The following CYP3A43 variants were observed in gnomAD, a reference collection of about 807,000 sequenced individuals.
CYP3A43 encodes cytochrome P450 3A43.
CYP3A43 carries 45 observed loss-of-function variants against 58.0 expected under a neutral mutation model. That is an observed-to-expected ratio of 0.78 (90% CI 0.61 to 0.99). CYP3A43 has a LOEUF of 0.99. Ranked by LOEUF, CYP3A43 falls within the 50% of genes least tolerant of loss-of-function variation. CYP3A43 has a pLI of 0.00. For synonymous variants in CYP3A43, 191 were observed against 201.4 expected (o/e 0.95, Z 0.44); for missense variants, 593 against 591.9 (o/e 1.00, Z -0.02).
chr7:99,829,104 T>C (rs1183258707), intron 1 of CYP3A43, among the ~76,000 whole-genome samples: 2 of 152,226 alleles, frequency 1.3e-5, no homozygotes, highest in African/African-American at 4.8e-5. Context: ...GTCCTTATTT[T>C]AGTCTCATAT....
chr7:99,856,361 G>A (rs17161967), intron 8 of CYP3A43, among the ~76,000 whole-genome samples: 9,713 of 152,234 alleles, frequency 0.064, 976 homozygotes, highest in African/African-American at 0.21. Context: ...GACACTGAAC[G>A]TTGTATAGAG....
At chr7:99,832,447 A>T (rs1344274138) in intron 1 of CYP3A43, among the ~76,000 whole-genome samples, 1 of 147,614 alleles carries the variant, frequency 6.8e-6, no homozygotes, top group East Asian at 2.0e-4. Flanking sequence ...TGGCACCTCG[A>T]CCAAACACCG....
chr7:99,853,469 T>C (rs1279101070), intron 7 of CYP3A43, among the ~76,000 whole-genome samples: 1 of 150,410 alleles, frequency 6.6e-6, no homozygotes, highest in Non-Finnish European at 1.5e-5. Flanking sequence ...CTTTTATTTC[T>C]GAGACTAGTA....
intron 1 of CYP3A43, among the ~76,000 whole-genome samples, chr7:99,831,593 G>A (rs1229786472): frequency 6.6e-6 from 1 of 152,164 alleles, no homozygotes; most frequent in African/African-American, 2.4e-5. Flanking sequence ...ACACCAGAGT[G>A]GGAAGTTCTG....
chr7:99,836,176 C>G (rs550557080), intron 1 of CYP3A43, among the ~76,000 whole-genome samples: 17 of 152,290 alleles, frequency 1.1e-4, no homozygotes, highest in Admixed American at 1.0e-3. Flanking sequence ...AAAAGTCAGG[C>G]TTGGAAGAAA....
intron 7 of CYP3A43, chr7:99,849,955 ATTTT>A (rs71515286): frequency 7.0e-4 from 253 of 362,566 alleles, no homozygotes; most frequent in East Asian, 2.3e-3. Flanking sequence ...CTTCCTCACC[ATTTT>A]TTTTTTTTTT....
intron 1 of CYP3A43, among the ~76,000 whole-genome samples, chr7:99,829,203 A>G (rs995260634): frequency 4.6e-5 from 7 of 152,334 alleles, no homozygotes; most frequent in African/African-American, 1.4e-4. Flanking sequence ...CCCTGCCTCA[A>G]CAGAGCCCAT....
chr7:99,836,123 T>C (rs1466368586), intron 1 of CYP3A43, among the ~76,000 whole-genome samples: 1 of 152,096 alleles, frequency 6.6e-6, no homozygotes, highest in Non-Finnish European at 1.5e-5. Context: ...AGTATATCTG[T>C]CTTTGGTCAG....
At chr7:99,858,737 G>A (rs1818099312) in intron 9 of CYP3A43, among the ~76,000 whole-genome samples, 2 of 151,250 alleles carry the variant, frequency 1.3e-5, no homozygotes, top group Non-Finnish European at 2.9e-5. Context: ...CTGTCACCCA[G>A]GCTGGAGTGA....
At chr7:99,847,040 C>A (rs1056470244) in intron 4 of CYP3A43, among the ~76,000 whole-genome samples, 4 of 152,052 alleles carry the variant, frequency 2.6e-5, no homozygotes, top group African/African-American at 7.2e-5. Context: ...AATCAAACCA[C>A]CCCTTTGTCA....
intron 3 of CYP3A43, among the ~76,000 whole-genome samples, chr7:99,843,542 T>C (rs1035394964): frequency 3.3e-5 from 5 of 152,150 alleles, no homozygotes; most frequent in African/African-American, 1.2e-4. Flanking sequence ...CTTGGCTCAC[T>C]GCAACCTCCA....
At chr7:99,830,295 A>T (rs1220721670) in intron 1 of CYP3A43, among the ~76,000 whole-genome samples, 1 of 152,154 alleles carries the variant, frequency 6.6e-6, no homozygotes, top group Non-Finnish European at 1.5e-5. Context: ...AGGTGGGTGG[A>T]TCACGTGAGG....
At chr7:99,844,988 G>A (rs1817488100) in intron 4 of CYP3A43, among the ~76,000 whole-genome samples, 1 of 151,022 alleles carries the variant, frequency 6.6e-6, no homozygotes, top group South Asian at 2.1e-4. Context: ...AAAATCGCTT[G>A]AACCCGGGAG....
At chr7:99,838,248 C>T (rs572317827) in intron 2 of CYP3A43, among the ~76,000 whole-genome samples, 1 of 152,334 alleles carries the variant, frequency 6.6e-6, no homozygotes, top group African/African-American at 2.4e-5. Flanking sequence ...TCCACTCTGT[C>T]ATTTGCCCAC....
intron 10 of CYP3A43, among the ~76,000 whole-genome samples, chr7:99,860,882 AT>A (rs34710117): frequency 7.4e-5 from 11 of 148,518 alleles, no homozygotes; most frequent in Admixed American, 1.3e-4. Flanking sequence ...TACTCTCCAC[AT>A]TTTTTTTTTG....
At chr7:99,842,493 T>A (rs1250377695) in intron 3 of CYP3A43, among the ~76,000 whole-genome samples, 1 of 152,238 alleles carries the variant, frequency 6.6e-6, no homozygotes, top group Non-Finnish European at 1.5e-5. Flanking sequence ...TTAACTCTTG[T>A]ACAAATATCT....
intron 7 of CYP3A43, chr7:99,849,906 C>G: frequency 1.7e-6 from 1 of 603,498 alleles, no homozygotes; most frequent in Non-Finnish European, 2.9e-6. Flanking sequence ...TTTGTAAACT[C>G]AGAAACCACA....
Position 99,863,582 on chromosome 7 carries a change from A to G in CYP3A43, c.1299A>G (p.Ile433Met), listed in dbSNP as rs1818327650. ...ACAGCATAGATCTTTACAGATACAT[A>G]CCTTTTGGAGCTGGACCCCGAAACT... ...NKDSIDLYRY[I>M]PFGAGPRNCI... Residue 433 changes from isoleucine (I) to methionine (M), a missense_variant, in exon 12 of 13, where the codon ATA (isoleucine) becomes ATG (methionine). Physicochemically the swap from Ile to Met is conservative, Grantham distance 10 (BLOSUM62 1). Coordinates refer to ENST00000354829, the MANE Select transcript of CYP3A43 (RefSeq NM_057095.3). 4.3e-6 allele frequency: 7 copies of G among 1,613,888 alleles called. No homozygotes were observed. Among genetic ancestry groups the G allele is most frequent in the East Asian group, 2.2e-5 (1 of 44,884 alleles).
intron 5 of CYP3A43, 66 bp downstream of exon 5, chr7:99,847,667 T>TGATGGAGTAAGAAGTACTGGAGA (rs1303699126): frequency 2.5e-6 from 4 of 1,598,168 alleles, no homozygotes; most frequent in Non-Finnish European, 3.4e-6. Flanking sequence ...GTAGTAAGTA[T>TGATGGAGTAAGAAGTACTGGAGA]CATCATAGTT....
Sources: allele counts gnomAD v4.1 joint callset (sites outside exome capture counted in the v4.1 genomes callset), GRCh38; gene constraint gnomAD v4.1.1; transcripts MANE v1.5; gene names NCBI Gene and HGNC (gene_info 2026-07-23, HGNC 2026-07-21).